The following FLT1 variants were observed in gnomAD, a reference collection of about 807,000 sequenced individuals.
FLT1 encodes fms related receptor tyrosine kinase 1, also known as vascular endothelial growth factor receptor 1.
Under a neutral mutation model 156.3 loss-of-function variants are expected in FLT1, and 49 were observed. The observed-to-expected ratio is 0.31, with a 90% CI of 0.25 to 0.40. The LOEUF (loss-of-function observed/expected upper bound fraction) is 0.40. FLT1 is among the 10% of genes least tolerant of loss of function. The pLI, the probability that FLT1 is intolerant of heterozygous loss-of-function variation, is 1.00. For missense variants in FLT1, 1,322 were observed against 1,637.2 expected, an observed-to-expected ratio of 0.81 and a Z score of 3.32; for synonymous variants, 594 against 583.8, an observed-to-expected ratio of 1.02 and a Z score of -0.25.
At chr13:28,477,981 T>C (rs1009449136) in intron 1 of FLT1, among the ~76,000 whole-genome samples, 2 of 152,220 alleles carry the variant, frequency 1.3e-5, no homozygotes, top group Admixed American at 1.3e-4. Context: ...GGTGGCTTAG[T>C]GAAAGTAACT....
At chr13:28,418,458 T>A (rs1593770178) in intron 10 of FLT1, among the ~76,000 whole-genome samples, 1 of 152,196 alleles carries the variant, frequency 6.6e-6, no homozygotes, top group African/African-American at 2.4e-5. Context: ...CCAAACCTAT[T>A]CCCTGCAGAC....
In FLT1 at chr13:28,300,482, C is replaced by A. The variant is rs1276179589; in HGVS notation, c.*2685G>T. 4.3e-6 allele frequency: 1 copy of A among 232,158 alleles called. No individual in the cohort carries two copies. The highest frequency in any genetic ancestry group is 2.2e-5 in the African/African-American group (1 of 44,938). 14.4% of individuals were successfully genotyped at this position (232,158 alleles called of 1,614,324 possible). A position where few individuals can be genotyped will look rare whatever the true frequency, so the allele number is the denominator to read the frequency against. ...TTGTATAAAAGTAACTTTAAAATTC[C>A]AGTTTCCTTAAATAGTTATGCACAA... On this transcript the variant is annotated 3_prime_UTR_variant, in exon 30 of 30. Transcript: ENST00000282397.
intron 10 of FLT1, among the ~76,000 whole-genome samples, chr13:28,422,448 C>G (rs1877068501): frequency 6.6e-6 from 1 of 152,186 alleles, no homozygotes; most frequent in Non-Finnish European, 1.5e-5. Context: ...GGACTGTGAT[C>G]TAAAGAATGT....
intron 10 of FLT1, among the ~76,000 whole-genome samples, chr13:28,420,583 C>T (rs1457694890): frequency 6.6e-6 from 1 of 152,176 alleles, no homozygotes; most frequent in Admixed American, 6.5e-5. Flanking sequence ...GACATCTGAC[C>T]TACATTTTGC....
intron 12 of FLT1, among the ~76,000 whole-genome samples, chr13:28,392,466 A>G (rs1208016722): frequency 6.6e-6 from 1 of 152,234 alleles, no homozygotes; most frequent in Non-Finnish European, 1.5e-5. Flanking sequence ...CACTGGTTGC[A>G]ATCAACTCTT....
rs184941252 is a variant in FLT1 at position 28,308,024 on chromosome 13, G to A, written c.3720+819C>T. On this transcript the variant is annotated intron_variant, in intron 28 of 29. Transcript: ENST00000282397. ...CCTGACCTCGTGATCCGCCTGCCTT[G>A]GCCTCCCAAAGTGCTGGGATTACAG... Among the ~76,000 whole-genome samples the A allele has an allele frequency of 5.4e-3, 829 of 152,248 alleles. 2 individuals are homozygous for A. The highest frequency in any genetic ancestry group is 9.4e-3 in the Non-Finnish European group (636 of 68,000).
chr13:28,345,961 T>TAAAAAAAAAAAAAAAAAAAAAAAA (rs575637976), intron 15 of FLT1: 1 of 123,266 alleles, frequency 8.1e-6, no homozygotes, highest in African/African-American at 3.1e-5. Context: ...GAGGAAATTC[T>TAAAAAAAAAAAAAAAAAAAAAAAA]AAAAAAAAAA....
intron 20 of FLT1, 100 bp from the exon 21 acceptor site, chr13:28,323,046 G>T (rs757830708): frequency 3.2e-6 from 4 of 1,266,224 alleles, no homozygotes; most frequent in East Asian, 4.6e-5. Context: ...AAATGAGAGC[G>T]TTTCACTTCT....
At chr13:28,450,167 A>G (rs530387619) in intron 3 of FLT1, among the ~76,000 whole-genome samples, 5 of 152,356 alleles carry the variant, frequency 3.3e-5, no homozygotes, top group African/African-American at 1.2e-4. Context: ...TCCAGTCCTC[A>G]GAGTCTAGCT....
chr13:28,334,152 GT>G, intron 17 of FLT1, 23 bp from the exon 18 acceptor site: 1 of 1,522,738 alleles, frequency 6.6e-7, no homozygotes, highest in Admixed American at 1.7e-5. Context: ...GAAGACACTG[GT>G]TTGTTTGCCG....
At chr13:28,312,251 A>G (rs61763562) in intron 25 of FLT1, among the ~76,000 whole-genome samples, 153 bp from the exon 26 acceptor site, 16,623 of 152,268 alleles carry the variant, frequency 0.11, 1,148 homozygotes, top group Middle Eastern at 0.16. Context: ...TTGGGTTTAT[A>G]GCACCAGCAC....
intron 1 of FLT1, among the ~76,000 whole-genome samples, chr13:28,472,941 G>A (rs1004783918): frequency 6.6e-6 from 1 of 152,080 alleles, no homozygotes; most frequent in African/African-American, 2.4e-5. Flanking sequence ...ATCAACCAAG[G>A]CTCTGAATAG....
intron 14 of FLT1, among the ~76,000 whole-genome samples, chr13:28,382,006 C>T (rs904235063): frequency 6.6e-6 from 1 of 152,076 alleles, no homozygotes; most frequent in Non-Finnish European, 1.5e-5. Context: ...ATAAGATAAA[C>T]TATCTATCTG....
chr13:28,388,636 T>A, intron 13 of FLT1: 3 of 1,055,946 alleles, frequency 2.8e-6, no homozygotes. Context: ...CTTTGAATTC[T>A]GCTTCTGTAG....
In FLT1 at chr13:28,444,309, T is replaced by C. The variant is rs565803911; in HGVS notation, c.389-5964A>G. 2.0e-5 allele frequency among the ~76,000 whole-genome samples: 3 copies of C among 152,222 alleles called. No individual in the cohort carries two copies. The South Asian group carries it at 6.2e-4, about 32-fold the overall frequency. The stretch of plus-strand genomic sequence containing the variant: ...ATACACAAGTTAGCCAGTGTGGTGA[T>C]GCACGCCTGAAGTCTCAACTACTCG... On this transcript the variant is annotated intron_variant, in intron 3 of 29. Transcript: ENST00000282397.
At chr13:28,364,372 C>T (rs1441635448) in intron 14 of FLT1, among the ~76,000 whole-genome samples, 1 of 152,180 alleles carries the variant, frequency 6.6e-6, no homozygotes, top group African/African-American at 2.4e-5. Flanking sequence ...GCCACAGTCC[C>T]TGCCATGGTG....
In FLT1 at chr13:28,302,019, C is replaced by CT. The variant is rs1870534281; in HGVS notation, c.*1147dup. Reference sequence around the variant, plus strand: ...ATGAAAAGGAAACGTGACTGACTTCCTGTGTTTTGGGTCCCAACTGTGTTG... The same window carrying CT: ...ATGAAAAGGAAACGTGACTGACTTCCTTGTGTTTTGGGTCCCAACTGTGTTG... On this transcript the variant is annotated 3_prime_UTR_variant, in exon 30 of 30. Coordinates refer to ENST00000282397, the MANE Select transcript of FLT1 (RefSeq NM_002019.4). 4.3e-6 allele frequency: 1 copy of CT among 233,512 alleles called. No individual in the cohort carries two copies. The highest frequency in any genetic ancestry group is 8.5e-6 in the Non-Finnish European group (1 of 118,048). 14.5% of individuals were successfully genotyped at this position (233,512 alleles called of 1,614,324 possible).
intron 14 of FLT1, among the ~76,000 whole-genome samples, chr13:28,367,229 A>G (rs1463547806): frequency 6.6e-6 from 1 of 152,232 alleles, no homozygotes; most frequent in Non-Finnish European, 1.5e-5. Context: ...GGAGCTTAGA[A>G]TGCAAACTCT....
intron 18 of FLT1, among the ~76,000 whole-genome samples, chr13:28,331,585 C>T (rs1253884496): frequency 6.6e-6 from 1 of 152,198 alleles, no homozygotes; most frequent in Non-Finnish European, 1.5e-5. Flanking sequence ...TGCCCACCAC[C>T]ACGCCCGGCT....
Sources: gnomAD v4.1 joint callset for allele counts (sites outside exome capture counted in the v4.1 genomes callset) on GRCh38, gnomAD v4.1.1 for gene constraint, MANE v1.5 for transcripts, NCBI Gene and HGNC (gene_info 2026-07-23, HGNC 2026-07-21) for gene names.